PRR14L: variants seen among roughly 807,000 people sequenced by gnomAD.
PRR14L encodes protein PRR14L.
Under a neutral mutation model 155.0 loss-of-function variants are expected in PRR14L, and 80 were observed. That is an observed-to-expected ratio of 0.52 (90% CI 0.43 to 0.62). The LOEUF (loss-of-function observed/expected upper bound fraction) is 0.62, where lower values mean the gene tolerates loss of function less well. Among genes scored for constraint, PRR14L ranks in the 20% least tolerant of loss-of-function variants. The pLI is 0.00. For missense variants in PRR14L, 2,469 were observed against 2,548.0 expected, an observed-to-expected ratio of 0.97 and a Z score of 0.67; for synonymous variants, 883 against 916.0, an observed-to-expected ratio of 0.96 and a Z score of 0.65.
At position 31,738,436 on chromosome 22, in the gene PRR14L, T is replaced by A; in HGVS notation, c.425A>T (p.Asp142Val). The change falls in exon 2 of 9, where the codon GAT becomes GTT. Residue 142 changes from aspartate to valine, a missense_variant. Asp to Val is a radical substitution (Grantham distance 152). Coordinates refer to ENST00000327423, the MANE Select transcript of PRR14L (RefSeq NM_173566.3). ...IREPSEGAKE[D>V]PHQHSTAAEE... is the part of the protein sequence containing the mutation. ...AGCAGCTGTGGAATGTTGATGTGGATCTTCCTTTGCTCCCTCAGAGGGTTC... is the reference window on the plus strand; with the variant it reads ...AGCAGCTGTGGAATGTTGATGTGGAACTTCCTTTGCTCCCTCAGAGGGTTC... 1.9e-6 allele frequency: 3 copies of A among 1,552,372 alleles called. No homozygotes were observed. Among genetic ancestry groups the A allele is most frequent in the Non-Finnish European group, 2.6e-6 (3 of 1,147,144 alleles).
At position 31,681,406 on chromosome 22, in the gene PRR14L, T is replaced by G. The variant is rs1017345205; in HGVS notation, c.*4121A>C. 1.3e-5 allele frequency: 2 copies of G among 152,194 alleles called. No homozygotes were observed. Among genetic ancestry groups the G allele is most frequent in the Non-Finnish European group, 2.9e-5 (2 of 68,030 alleles). 9.4% of individuals were successfully genotyped at this position (152,194 alleles called of 1,614,324 possible). A position where few individuals can be genotyped will look rare whatever the true frequency, so the allele number is the denominator to read the frequency against. ...ATTAACACACATAACAGTGGAAATC[T>G]TAGAGTCACAAACTACCAAACAGAA... On this transcript the variant is annotated 3_prime_UTR_variant, in exon 9 of 9. Transcript: ENST00000327423.
In PRR14L at chr22:31,714,488, A is replaced by T; in HGVS notation, c.3351T>A (p.Val1117=). 1 of 1,552,174 alleles carries T rather than the reference A, an allele frequency of 6.4e-7. No individual in the cohort carries two copies. The highest frequency in any genetic ancestry group is 8.7e-7 in the Non-Finnish European group (1 of 1,147,088). The change falls in exon 4 of 9, where the codon GTT becomes GTA. Residue 1117 remains valine (V), a synonymous_variant. Coordinates refer to ENST00000327423, the MANE Select transcript of PRR14L (RefSeq NM_173566.3). The part of the protein sequence containing the change: ...GTTGQDSDFP[V]TAASTVDFLK... ...GAAAGTCCACTGTAGAAGCAGCAGT[A>T]ACTGGGAAATCTGAATCCTGACCAG...
intron 4 of PRR14L, among the ~76,000 whole-genome samples, chr22:31,709,533 G>GTTT (rs35320368): frequency 2.1e-4 from 19 of 88,602 alleles, no homozygotes; most frequent in Middle Eastern, 7.7e-3. Flanking sequence ...CGCCTGTGGG[G>GTTT]TTTTTTTTTT....
intron 4 of PRR14L, among the ~76,000 whole-genome samples, chr22:31,710,733 T>G (rs950778001): frequency 6.6e-6 from 1 of 152,162 alleles, no homozygotes; most frequent in East Asian, 1.9e-4. Flanking sequence ...GGATTATAGG[T>G]GTAAGCCACC....
chr22:31,729,557 C>T (rs1442984386), intron 2 of PRR14L, among the ~76,000 whole-genome samples: 1 of 152,102 alleles, frequency 6.6e-6, no homozygotes, highest in African/African-American at 2.4e-5. Context: ...GATCCTAAGA[C>T]AGGAAATTAT....
intron 4 of PRR14L, among the ~76,000 whole-genome samples, chr22:31,709,494 G>A (rs1279129606): frequency 6.7e-6 from 1 of 150,354 alleles, no homozygotes; most frequent in Non-Finnish European, 1.5e-5. Context: ...AAAGTGCTGG[G>A]ATTACACACG....
Position 31,716,266 on chromosome 22 carries a change from T to C in PRR14L, c.1573A>G (p.Thr525Ala), listed in dbSNP as rs2074658738. 1 of 1,551,442 alleles carries C rather than the reference T, an allele frequency of 6.4e-7. No homozygotes were observed. Among genetic ancestry groups the C allele is most frequent in the African/African-American group, 1.4e-5 (1 of 73,016 alleles). Residue 525 changes from threonine to alanine, a missense_variant, in exon 4 of 9, where the codon ACC becomes GCC. By Grantham distance (58) the Thr-to-Ala change is moderately conservative (BLOSUM62 0). This residue lies in a region of PRR14L where 2,363 missense variants were observed against 2,371.6 expected (regional missense o/e 1.00). Transcript: ENST00000327423. ...CTTAATATATTGGGCTCTACAGGGG[T>C]TGTCTGTCCTGCCTCTTCAATCTGC... ...LMQIEEAGQTTPVEPNILSKS... is the reference protein window; with the variant it reads ...LMQIEEAGQTAPVEPNILSKS...
intron 4 of PRR14L, among the ~76,000 whole-genome samples, chr22:31,708,985 G>A (rs772946397): frequency 1.6e-4 from 25 of 152,004 alleles, no homozygotes; most frequent in Non-Finnish European, 3.4e-4. Flanking sequence ...CACCACACCC[G>A]GCTAATTTTG....
Position 31,715,781 on chromosome 22 carries a change from G to A in PRR14L, c.2058C>T (p.Ala686=), listed in dbSNP as rs2074655193. ...CTAATGGAGGGTGATGGCTCTGATG[G>A]GCATCTCTGCCTGTTGCTAAAGGCA... ...KEMPLATGRD[A]HQSHHPPLEG... is the part of the protein sequence containing the mutation. The change falls in exon 4 of 9, where the codon GCC becomes GCT. Residue 686 remains alanine, a synonymous_variant. Transcript: ENST00000327423. 1 of 1,551,770 alleles carries A rather than the reference G, an allele frequency of 6.4e-7. No homozygotes were observed. The highest frequency in any genetic ancestry group is 2.4e-5 in the East Asian group (1 of 40,922).
intron 4 of PRR14L, among the ~76,000 whole-genome samples, chr22:31,707,367 T>A (rs948022943): frequency 2.0e-5 from 3 of 151,536 alleles, no homozygotes; most frequent in Non-Finnish European, 4.4e-5. Flanking sequence ...AACAAACAGT[T>A]TGGAGGAAGT....
At chr22:31,720,045 T>C (rs188665928) in intron 3 of PRR14L, among the ~76,000 whole-genome samples, 1 of 152,300 alleles carries the variant, frequency 6.6e-6, no homozygotes, top group African/African-American at 2.4e-5. Flanking sequence ...AGCTCTGTGA[T>C]ACTTACCTCT....
At chr22:31,742,351 T>C (rs550593595) in intron 1 of PRR14L, among the ~76,000 whole-genome samples, 1 of 149,886 alleles carries the variant, frequency 6.7e-6, no homozygotes, top group South Asian at 2.1e-4. Context: ...GTAATGAGGA[T>C]GACTCAAAAC....
intron 7 of PRR14L, among the ~76,000 whole-genome samples, chr22:31,690,792 C>T (rs1020511666): frequency 2.6e-5 from 4 of 151,686 alleles, no homozygotes; most frequent in African/African-American, 4.8e-5. Flanking sequence ...CAGGCATGCA[C>T]CACCATGCCC....
At chr22:31,701,616 CA>C in intron 7 of PRR14L, 39 bp downstream of exon 7, 3 of 1,390,264 alleles carry the variant, frequency 2.2e-6, no homozygotes, top group Non-Finnish European at 3.0e-6. Flanking sequence ...AACAATTTTC[CA>C]AAAAAGTGAA....
At chr22:31,721,495 G>A (rs1249347609) in intron 3 of PRR14L, among the ~76,000 whole-genome samples, 1 of 151,832 alleles carries the variant, frequency 6.6e-6, no homozygotes, top group Non-Finnish European at 1.5e-5. Context: ...GTGAACCCGG[G>A]AGGCGGAGTT....
chr22:31,718,207 C>A (rs1319554551), intron 3 of PRR14L, among the ~76,000 whole-genome samples: 1 of 151,728 alleles, frequency 6.6e-6, no homozygotes, highest in Admixed American at 6.6e-5. Context: ...AGACTACAGG[C>A]ATAAGCCACC....
Position 31,714,880 on chromosome 22 carries a change from G to C in PRR14L, c.2959C>G (p.Gln987Glu). 3.2e-6 allele frequency: 5 copies of C among 1,551,904 alleles called. No individual in the cohort carries two copies. The highest frequency in any genetic ancestry group is 4.4e-6 in the Non-Finnish European group (5 of 1,147,028). The change falls in exon 4 of 9, where the codon CAG (glutamine) becomes GAG (glutamate). Residue 987 changes from glutamine to glutamate, a missense_variant. By Grantham distance (29) the Gln-to-Glu change is conservative (BLOSUM62 2). Around this residue, in one of 2 missense-constraint regions of PRR14L, gnomAD observed 2,363 missense variants for 2,371.6 expected, o/e 1.00. Transcript: ENST00000327423. Reference protein sequence around the residue: ...NRPDECKSEGQSAKEMLSSDQ... With the variant: ...NRPDECKSEGESAKEMLSSDQ... Reference sequence around the variant, plus strand: ...CTACTTAGCATCTCCTTGGCTGACTGACCTTCACTTTTGCATTCATCTGGT... The same window carrying C: ...CTACTTAGCATCTCCTTGGCTGACTCACCTTCACTTTTGCATTCATCTGGT...
intron 2 of PRR14L, among the ~76,000 whole-genome samples, chr22:31,737,816 C>CT: frequency 6.6e-6 from 1 of 151,994 alleles, no homozygotes; most frequent in South Asian, 2.1e-4. Flanking sequence ...AGTTCGAGAC[C>CT]AGCCTGGCCA....
rs917439590 is a variant in PRR14L, at chr22:31,716,042, T to C, written c.1797A>G (p.Pro599=). Residue 599 remains proline (P), a synonymous_variant, in exon 4 of 9, where the codon CCA becomes CCG. Coordinates refer to ENST00000327423, the MANE Select transcript of PRR14L (RefSeq NM_173566.3). ...CAGGTCTGTAATCAAATTCTGGGGA[T>C]GGTAGCAACAGAGCAGTACCTTGCT... The part of the protein sequence containing the change: ...KPKQGTALLL[P]SPEFDYRPES... 3.2e-5 allele frequency: 50 copies of C among 1,550,780 alleles called. No homozygotes were observed. The Middle Eastern group carries it at 1.8e-3, about 57-fold the overall frequency.
Sources: gnomAD v4.1 joint callset for allele counts (sites outside exome capture counted in the v4.1 genomes callset) on GRCh38, gnomAD v4.1.1 for gene constraint, gnomAD v4.1.1 regional missense constraint, MANE v1.5 for transcripts, NCBI Gene and HGNC (gene_info 2026-07-23, HGNC 2026-07-21) for gene names.